The following SPATA45 variants were observed in gnomAD, a reference collection of about 807,000 sequenced individuals.
SPATA45 encodes spermatogenesis associated 45, also known as spermatogenesis-associated protein 45.
Under a neutral mutation model 7.0 loss-of-function variants are expected in SPATA45, and 5 were observed. The observed-to-expected ratio is 0.71, with a 90% CI of 0.37 to 1.50. The LOEUF (loss-of-function observed/expected upper bound fraction) is 1.50, where lower values mean the gene tolerates loss of function less well. Ranked by LOEUF, SPATA45 falls within the 40% of genes most tolerant of loss-of-function variation. SPATA45 has a pLI of 0.03. For missense variants in SPATA45, 111 were observed against 114.9 expected (o/e 0.97, Z 0.16); for synonymous variants, 40 against 38.7 (o/e 1.03, Z -0.13).
chr1:212,839,079 G>T (rs1230982490), intron 1 of SPATA45, among the ~76,000 whole-genome samples: 2 of 149,266 alleles, frequency 1.3e-5, no homozygotes, highest in African/African-American at 4.9e-5. Context: ...CAAATAAATT[G>T]TGGTATATGT....
At chr1:212,831,416 T>C (rs1297591557) in intron 2 of SPATA45, among the ~76,000 whole-genome samples, 1 of 148,198 alleles carries the variant, frequency 6.7e-6, no homozygotes, top group Admixed American at 6.9e-5. Context: ...GAGGATACAG[T>C]GAGCTATGAT....
intron 2 of SPATA45, among the ~76,000 whole-genome samples, chr1:212,834,119 A>G (rs1663546545): frequency 6.6e-6 from 1 of 151,710 alleles, no homozygotes; most frequent in Non-Finnish European, 1.5e-5. Flanking sequence ...GGAGAATCTC[A>G]GCTTTCTACA....
intron 2 of SPATA45, among the ~76,000 whole-genome samples, 194 bp downstream of exon 2, chr1:212,835,679 C>CA (rs1208957883): frequency 6.6e-6 from 1 of 150,874 alleles, no homozygotes; most frequent in African/African-American, 2.4e-5. Flanking sequence ...CTAAAAAATA[C>CA]AAAAAAATTA....
intron 1 of SPATA45, among the ~76,000 whole-genome samples, chr1:212,846,876 CTTCT>C (rs959862652): frequency 2.6e-5 from 4 of 151,966 alleles, no homozygotes; most frequent in African/African-American, 7.3e-5. Context: ...GGCTTTGAAA[CTTCT>C]TTTTCTTTTC....
chr1:212,835,904 A>G lies in SPATA45; in HGVS notation c.246T>C (p.Ala82=). 5 of 1,608,822 alleles carry G rather than the reference A, an allele frequency of 3.1e-6. No homozygotes were observed. Among genetic ancestry groups the G allele is most frequent in the Non-Finnish European group, 4.2e-6 (5 of 1,176,868 alleles). Residue 82 remains alanine, a synonymous_variant, in exon 2 of 3, where the codon GCT becomes GCC. Coordinates refer to ENST00000332912, the MANE Select transcript of SPATA45 (RefSeq NM_001024601.3). ...GTGGAAAGTGCTTTCTCTCCATGTGAGCAAGGAGACTCAGCTTGATCCAGG... is the reference window on the plus strand; with the variant it reads ...GTGGAAAGTGCTTTCTCTCCATGTGGGCAAGGAGACTCAGCTTGATCCAGG... ...RSSWIKLSLL[A]HMERKHFPPK...
intron 1 of SPATA45, 115 bp from the exon 2 acceptor site, chr1:212,836,302 A>G (rs1663583561): frequency 5.3e-6 from 4 of 761,350 alleles, no homozygotes; most frequent in Non-Finnish European, 6.3e-6. Context: ...CACAACCACC[A>G]CCAAGCCTCC....
chr1:212,837,530 G>A (rs758678438), intron 1 of SPATA45, among the ~76,000 whole-genome samples: 1 of 151,702 alleles, frequency 6.6e-6, no homozygotes, highest in Non-Finnish European at 1.5e-5. Context: ...CTACTCAGGA[G>A]CCTGAGGCAT....
rs1462176219 is a variant in SPATA45, at chr1:212,833,244, T to C, written c.277+2629A>G. On this transcript the variant is annotated intron_variant, in intron 2 of 2. Transcript: ENST00000332912. ...TGCCCCTCTTTTACCTTTCTTTCCC[T>C]TGGGGTTCCTAAAGTCCATTATATA... Among the ~76,000 whole-genome samples the C allele has an allele frequency of 1.3e-5, 2 of 151,542 alleles. 1 individual carries two copies. Among genetic ancestry groups the C allele is most frequent in the Non-Finnish European group, 3.0e-5 (2 of 67,746 alleles).
intron 2 of SPATA45, among the ~76,000 whole-genome samples, chr1:212,833,380 C>A (rs775961336): frequency 6.6e-6 from 1 of 151,210 alleles, no homozygotes; most frequent in African/African-American, 2.4e-5. Context: ...GCCTCCTGGC[C>A]GGGCTCAGTG....
intron 2 of SPATA45, among the ~76,000 whole-genome samples, chr1:212,831,094 C>T (rs548107027): frequency 2.0e-4 from 30 of 150,520 alleles, no homozygotes; most frequent in African/African-American, 6.8e-4. Flanking sequence ...GAGCCAAGAT[C>T]GAGCCACTGC....
chr1:212,833,857 A>G (rs1571989602), intron 2 of SPATA45, among the ~76,000 whole-genome samples: 1 of 151,880 alleles, frequency 6.6e-6, no homozygotes, highest in African/African-American at 2.4e-5. Flanking sequence ...GATAATTTGG[A>G]TAAATGACTG....
At chr1:212,837,632 C>T (rs1375861985) in intron 1 of SPATA45, among the ~76,000 whole-genome samples, 3 of 149,576 alleles carry the variant, frequency 2.0e-5, no homozygotes, top group African/African-American at 7.4e-5. Context: ...GACTCTGTCT[C>T]AAAAAATAAA....
At chr1:212,835,241 A>G (rs2102508935) in intron 2 of SPATA45, among the ~76,000 whole-genome samples, 1 of 151,752 alleles carries the variant, frequency 6.6e-6, no homozygotes, top group South Asian at 2.1e-4. Flanking sequence ...ATCCTATCAT[A>G]GGCCGGGCAC....
intron 1 of SPATA45, among the ~76,000 whole-genome samples, chr1:212,843,353 A>G (rs1230263984): frequency 6.6e-6 from 1 of 152,204 alleles, no homozygotes; most frequent in Non-Finnish European, 1.5e-5. Context: ...ACAGAGTGTC[A>G]TAAGGACTAA....
chr1:212,847,404 T>C (rs557666721), intron 1 of SPATA45, among the ~76,000 whole-genome samples, 176 bp downstream of exon 1: 1 of 152,268 alleles, frequency 6.6e-6, no homozygotes, highest in East Asian at 1.9e-4. Context: ...GTCGAAAAAT[T>C]GTATGTCAAA....
At chr1:212,835,660 C>T (rs1663573158) in intron 2 of SPATA45, among the ~76,000 whole-genome samples, 1 of 151,258 alleles carries the variant, frequency 6.6e-6, no homozygotes, top group Admixed American at 6.6e-5. Context: ...AGGTGAAATC[C>T]CGTCTCTACT....
intron 1 of SPATA45, among the ~76,000 whole-genome samples, chr1:212,842,205 C>T (rs1250447293): frequency 1.3e-5 from 2 of 151,546 alleles, no homozygotes; most frequent in South Asian, 4.2e-4. Flanking sequence ...TGGTGAAACC[C>T]GGTCTCTACT....
At chr1:212,839,752 T>C (rs376828440) in intron 1 of SPATA45, among the ~76,000 whole-genome samples, 18 of 151,804 alleles carry the variant, frequency 1.2e-4, no homozygotes, top group Admixed American at 3.9e-4. Flanking sequence ...ACTTTGGGGC[T>C]GATGAATATG....
intron 1 of SPATA45, among the ~76,000 whole-genome samples, chr1:212,844,413 C>A (rs1663751127): frequency 2.0e-5 from 3 of 152,160 alleles, no homozygotes; most frequent in Admixed American, 2.0e-4. Flanking sequence ...ATCTGGCCTC[C>A]CACATTATTC....
Sources: gnomAD v4.1 joint callset for allele counts (sites outside exome capture counted in the v4.1 genomes callset) on GRCh38, gnomAD v4.1.1 for gene constraint, MANE v1.5 for transcripts, NCBI Gene and HGNC (gene_info 2026-07-23, HGNC 2026-07-21) for gene names.